Variants in USH2A observed in about 807,000 individuals in gnomAD.
USH2A encodes Usher syndrome 2A (autosomal recessive, mild).
In USH2A, 443 loss-of-function variants were observed where a neutral mutation model predicts 538.9. The ratio of observed to expected loss-of-function variants is 0.82; its 90% CI spans 0.76 to 0.89. USH2A has a LOEUF of 0.89. Ranked by LOEUF, USH2A falls within the 40% of genes least tolerant of loss-of-function variation. USH2A has a pLI of 0.00. For missense variants in USH2A, 6,633 were observed against 6,324.8 expected (o/e 1.05, Z -1.65); for synonymous variants, 2,413 against 2,273.5 (o/e 1.06, Z -1.75).
At chr1:215,897,796 G>C (rs1176180116) in intron 40 of USH2A, among the ~76,000 whole-genome samples, 1 of 151,982 alleles carries the variant, frequency 6.6e-6, no homozygotes, top group Non-Finnish European at 1.5e-5. Context: ...GGGAAAGAAA[G>C]AAACAAAGAA....
chr1:215,945,778 G>A (rs1021236864), intron 37 of USH2A, among the ~76,000 whole-genome samples: 7 of 152,042 alleles, frequency 4.6e-5, no homozygotes, highest in Non-Finnish European at 8.8e-5. Context: ...GCTAAAAAGC[G>A]GACCTGGGAA....
intron 32 of USH2A, among the ~76,000 whole-genome samples, chr1:216,021,374 TC>T (rs1176885764): frequency 1.3e-5 from 2 of 152,088 alleles, no homozygotes; most frequent in Non-Finnish European, 2.9e-5. Flanking sequence ...ATAAGAGGTT[TC>T]CCCTTTCGCT....
At chr1:215,725,615 C>A (rs932825440) in intron 61 of USH2A, among the ~76,000 whole-genome samples, 3 of 152,098 alleles carry the variant, frequency 2.0e-5, no homozygotes, top group African/African-American at 7.2e-5. Flanking sequence ...TTTTGGGAGG[C>A]CACTTTGAAT....
chr1:215,751,560 G>A (rs1660622531), intron 58 of USH2A, among the ~76,000 whole-genome samples: 1 of 151,940 alleles, frequency 6.6e-6, no homozygotes, highest in South Asian at 2.1e-4. Context: ...TAAACAGCAG[G>A]GATATCTATC....
intron 61 of USH2A, among the ~76,000 whole-genome samples, chr1:215,687,695 T>C (rs1296572903): frequency 2.0e-5 from 3 of 152,124 alleles, no homozygotes; most frequent in African/African-American, 4.8e-5. Context: ...AAATTAAAAA[T>C]GTGCATACAC....
At chr1:215,673,437 A>T (rs1324882007) in intron 63 of USH2A, among the ~76,000 whole-genome samples, 4 of 152,182 alleles carry the variant, frequency 2.6e-5, no homozygotes, top group African/African-American at 9.7e-5. Context: ...TTAAAATGTG[A>T]TGGGGAAAAC....
At chr1:215,686,317 G>A (rs1170375211) in intron 61 of USH2A, among the ~76,000 whole-genome samples, 1 of 152,180 alleles carries the variant, frequency 6.6e-6, no homozygotes, top group East Asian at 1.9e-4. Flanking sequence ...CAGAAGAAAG[G>A]GGGTGAGGAC....
chr1:215,650,852 GGA>G, intron 64 of USH2A, 51 bp from the exon 65 acceptor site: 2 of 1,470,866 alleles, frequency 1.4e-6, no homozygotes, highest in Non-Finnish European at 9.1e-7. Context: ...CCTAAGGCTG[GGA>G]AAAAAAAAAA....
intron 62 of USH2A, among the ~76,000 whole-genome samples, chr1:215,677,330 T>C (rs1337912798): frequency 1.3e-5 from 2 of 152,196 alleles, no homozygotes; most frequent in African/African-American, 4.8e-5. Context: ...TATCTCCCTC[T>C]ACTGGTTATT....
chr1:215,741,942 C>A (rs1660317277), intron 59 of USH2A, among the ~76,000 whole-genome samples: 1 of 152,148 alleles, frequency 6.6e-6, no homozygotes, highest in African/African-American at 2.4e-5. Flanking sequence ...ATATTTTAAA[C>A]TCATGAACAT....
intron 40 of USH2A, among the ~76,000 whole-genome samples, chr1:215,891,913 G>C (rs1262391430): frequency 1.3e-5 from 2 of 152,104 alleles, no homozygotes; most frequent in African/African-American, 4.8e-5. Flanking sequence ...GGGAACAGGA[G>C]CATCCTTTCT....
intron 21 of USH2A, among the ~76,000 whole-genome samples, chr1:216,106,312 G>A (rs1363791035): frequency 6.0e-5 from 3 of 50,258 alleles, no homozygotes; most frequent in African/African-American, 2.9e-4. Flanking sequence ...TTTCATATAT[G>A]TATACTATAT....
At chr1:216,223,525 C>T (rs1441187859) in intron 14 of USH2A, among the ~76,000 whole-genome samples, 1 of 152,154 alleles carries the variant, frequency 6.6e-6, no homozygotes, top group African/African-American at 2.4e-5. Context: ...CTTGCTTTGG[C>T]CAGTAGAATA....
intron 32 of USH2A, among the ~76,000 whole-genome samples, chr1:216,001,949 C>T (rs1668273707): frequency 6.6e-6 from 1 of 152,082 alleles, no homozygotes; most frequent in Non-Finnish European, 1.5e-5. Context: ...AAATTCTATC[C>T]TACAGGAATC....
intron 61 of USH2A, among the ~76,000 whole-genome samples, chr1:215,697,216 C>T (rs957926582): frequency 1.3e-5 from 2 of 151,952 alleles, no homozygotes; most frequent in East Asian, 3.9e-4. Flanking sequence ...GCCTCGGCCT[C>T]CCACAGTGTT....
chr1:215,914,068 C>CTTTTT (rs11366554), intron 38 of USH2A, among the ~76,000 whole-genome samples: 4 of 92,004 alleles, frequency 4.3e-5, no homozygotes, highest in Admixed American at 1.3e-4. Context: ...AAGCAACAGA[C>CTTTTT]TTTTTTTTTT....
chr1:215,635,317 C>T (rs1310708188), intron 69 of USH2A, among the ~76,000 whole-genome samples: 1 of 152,136 alleles, frequency 6.6e-6, no homozygotes, highest in Non-Finnish European at 1.5e-5. Context: ...CAAACCATCA[C>T]CCAAATGCAC....
intron 11 of USH2A, among the ~76,000 whole-genome samples, chr1:216,268,547 A>C (rs1004281514): frequency 6.6e-6 from 1 of 152,116 alleles, no homozygotes; most frequent in African/African-American, 2.4e-5. Flanking sequence ...TTGATAGTCA[A>C]ACTTTTTTCA....
chr1:216,323,604 G>A lies in USH2A; in HGVS notation c.1420C>T (p.Pro474Ser). ...GCTTTTACGAACTCTTGAAGAGATG[G>A]GGTATTATAGAAGTTATTGTATCCA... ...RPGYNNFYNT[P>S]SLQEFVKATQ... The change falls in exon 8 of 72, where the codon CCA becomes TCA. Residue 474 changes from proline to serine, a missense_variant. Coordinates refer to ENST00000307340, the MANE Select transcript of USH2A (RefSeq NM_206933.4). The A allele has an allele frequency of 6.2e-7, 1 of 1,613,522 alleles. No individual in the cohort carries two copies. The highest frequency in any genetic ancestry group is 8.5e-7 in the Non-Finnish European group (1 of 1,179,740).
Sources: gnomAD v4.1 joint callset for allele counts (sites outside exome capture counted in the v4.1 genomes callset) on GRCh38, gnomAD v4.1.1 for gene constraint, MANE v1.5 for transcripts, NCBI Gene and HGNC (gene_info 2026-07-23, HGNC 2026-07-21) for gene names.